Variants in OR1J2 observed in about 807,000 individuals in gnomAD.
OR1J2 encodes the protein olfactory receptor family 1 subfamily J member 2.
For synonymous variants in OR1J2, 142 were observed against 99.7 expected, an observed-to-expected ratio of 1.42 and a Z score of -2.52; for missense variants, 304 against 246.1, an observed-to-expected ratio of 1.24 and a Z score of -1.57.
At chr9:122,515,056 T>G (rs1235930484), downstream of OR1J2, among the ~76,000 whole-genome samples, 1 of 152,190 alleles carries the variant, frequency 6.6e-6, no homozygotes, top group Admixed American at 6.5e-5. Flanking sequence ...TAATGCATGT[T>G]TATTTAATGC....
chr9:122,530,039 T>C, the OR1J2 span, among the ~76,000 whole-genome samples: 1 of 152,180 alleles, frequency 6.6e-6, no homozygotes, highest in Non-Finnish European at 1.5e-5. Context: ...GGCAAACAGC[T>C]GGAAGCAGAA....
At chr9:122,555,670 T>C in the OR1J2 span, among the ~76,000 whole-genome samples, 100 of 152,324 alleles carry the variant, frequency 6.6e-4, no homozygotes, top group African/African-American at 2.4e-3. Context: ...TTGAAATTTG[T>C]AGGGCAGGCT....
chr9:122,566,211 T>A, the OR1J2 span, among the ~76,000 whole-genome samples: 1 of 152,254 alleles, frequency 6.6e-6, no homozygotes, highest in African/African-American at 2.4e-5. Flanking sequence ...TTTTTAGATA[T>A]GCATGCACTC....
chr9:122,526,008 T>C, the OR1J2 span, among the ~76,000 whole-genome samples: 2 of 152,176 alleles, frequency 1.3e-5, no homozygotes, highest in African/African-American at 4.8e-5. Context: ...ACACCATAGA[T>C]AGTAAATATT....
At chr9:122,500,782 C>T in the OR1J2 span, among the ~76,000 whole-genome samples, 1 of 152,024 alleles carries the variant, frequency 6.6e-6, no homozygotes, top group Non-Finnish European at 1.5e-5. Context: ...GAAGTTTGAT[C>T]GTTGATGGTA....
the OR1J2 span, chr9:122,553,140 TA>T: frequency 6.5e-7 from 1 of 1,531,212 alleles, no homozygotes; most frequent in Non-Finnish European, 8.9e-7. Flanking sequence ...TGCATATCTG[TA>T]AATTGATCTA....
chr9:122,568,576 T>C, the OR1J2 span: 3 of 746,042 alleles, frequency 4.0e-6, no homozygotes, highest in East Asian at 5.3e-5. Flanking sequence ...GTTTCTTCTG[T>C]TTGGTCACAA....
At chr9:122,451,157 T>A in the OR1J2 span, among the ~76,000 whole-genome samples, 3 of 116,374 alleles carry the variant, frequency 2.6e-5, no homozygotes, top group Admixed American at 7.8e-5. Flanking sequence ...ACCTGCATTA[T>A]TATTATTATT....
chr9:122,576,988 C>G, the OR1J2 span: 7 of 152,028 alleles, frequency 4.6e-5, no homozygotes, highest in African/African-American at 1.7e-4. Context: ...CATGTTGGAC[C>G]AGAAACTGGA....
chr9:122,482,011 T>G, the OR1J2 span, among the ~76,000 whole-genome samples: 1 of 151,974 alleles, frequency 6.6e-6, no homozygotes, highest in South Asian at 2.1e-4. Flanking sequence ...AATAGACAAA[T>G]AAGATTATAT....
the OR1J2 span, among the ~76,000 whole-genome samples, chr9:122,502,030 G>T: frequency 6.6e-6 from 1 of 152,190 alleles, no homozygotes; most frequent in African/African-American, 2.4e-5. Flanking sequence ...GAGGACTGAT[G>T]GATATGGTAG....
Position 122,510,975 on chromosome 9 carries a change from C to T in OR1J2, c.174C>T (p.Pro58=). Residue 58 remains proline (P), a synonymous_variant, in exon 1 of 1, where the codon CCC becomes CCT. Transcript: ENST00000335302. ...AGCTGGACTCTCACCTTCACACCCC[C>T]ATGTACTTCTTCCTCAGCCACTTGG... ...LIQLDSHLHT[P]MYFFLSHLAL... is the part of the protein sequence containing the mutation. 1 of 1,612,074 alleles carries T rather than the reference C, an allele frequency of 6.2e-7. No individual in the cohort carries two copies. Among genetic ancestry groups the T allele is most frequent in the Non-Finnish European group, 8.5e-7 (1 of 1,178,154 alleles).
chr9:122,568,414 G>A, the OR1J2 span: 2 of 1,613,218 alleles, frequency 1.2e-6, no homozygotes, highest in Admixed American at 1.7e-5. Context: ...TGGTCCTCAG[G>A]CCGGGAGGAG....
At chr9:122,567,359 G>T in the OR1J2 span, 2 of 454,372 alleles carry the variant, frequency 4.4e-6, no homozygotes, top group Admixed American at 7.6e-5. Context: ...GACAGGAAAC[G>T]ATTGTGATTT....
At chr9:122,527,138 G>A in the OR1J2 span, 1 of 1,614,194 alleles carries the variant, frequency 6.2e-7, no homozygotes, top group Non-Finnish European at 8.5e-7. Flanking sequence ...GGGTGTGGAG[G>A]TGCAGGTCAG....
At chr9:122,450,151 C>T in the OR1J2 span, among the ~76,000 whole-genome samples, 4 of 152,182 alleles carry the variant, frequency 2.6e-5, no homozygotes, top group African/African-American at 9.6e-5. Context: ...AATTCTTGGC[C>T]GTGCATGGTG....
the OR1J2 span, among the ~76,000 whole-genome samples, chr9:122,489,446 G>A: frequency 3.3e-5 from 5 of 152,096 alleles, no homozygotes; most frequent in East Asian, 1.9e-4. Context: ...CCACTTGTCC[G>A]TGCACAGACA....
the OR1J2 span, among the ~76,000 whole-genome samples, chr9:122,467,017 C>T: frequency 6.6e-6 from 1 of 151,992 alleles, no homozygotes; most frequent in Non-Finnish European, 1.5e-5. Context: ...GACGGGGTTT[C>T]ACCTTGTTGG....
At chr9:122,543,054 A>C in the OR1J2 span, among the ~76,000 whole-genome samples, 1 of 152,362 alleles carries the variant, frequency 6.6e-6, no homozygotes, top group South Asian at 2.1e-4. Flanking sequence ...ATTATGAATA[A>C]TTGAGCTATA....
Sources: gnomAD v4.1 joint callset for allele counts (sites outside exome capture counted in the v4.1 genomes callset) on GRCh38, gnomAD v4.1.1 for gene constraint, MANE v1.5 for transcripts, NCBI Gene and HGNC (gene_info 2026-07-23, HGNC 2026-07-21) for gene names.